Variants in METRN observed in about 807,000 individuals in gnomAD.
METRN encodes the protein meteorin.
A neutral mutation model predicts 17.4 loss-of-function variants in METRN; 17 were observed. The ratio of observed to expected loss-of-function variants is 0.98; its 90% confidence interval spans 0.67 to 1.46. METRN has a LOEUF of 1.46. Among genes scored for constraint, METRN ranks in the 40% most tolerant of loss-of-function variants. METRN has a pLI of 0.00. For synonymous variants in METRN, 230 were observed against 210.8 expected (o/e 1.09, Z -0.79); for missense variants, 489 against 456.2 (o/e 1.07, Z -0.65).
chr16:716,345 C>A, intron 2 of METRN: 1 of 1,409,514 alleles, frequency 7.1e-7, no homozygotes, highest in Non-Finnish European at 9.2e-7. Context: ...TCTCTCCCCT[C>A]CCCCAGCCCA....
Position 715,387 on chromosome 16 carries a change from G to C in METRN, c.98G>C (p.Arg33Thr), listed in dbSNP as rs371066325. The C allele has an allele frequency of 7.5e-7, 1 of 1,327,136 alleles. No homozygotes were observed. The highest frequency in any genetic ancestry group is 9.6e-7 in the Non-Finnish European group (1 of 1,040,748). The allele number at this position is 1,327,136 out of a possible 1,614,324, so 82.2% of individuals were successfully genotyped here. Residue 33 changes from arginine (R) to threonine (T), a missense_variant, in exon 1 of 4, where the codon AGG (arginine) becomes ACG (threonine). Coordinates refer to ENST00000568223, the MANE Select transcript of METRN (RefSeq NM_024042.4). The stretch of plus-strand genomic sequence containing the variant: ...TACTCCGAGGAGCGCTGCAGCTGGA[G>C]GGGCAGGTACGGTCCGGGGGGCTGT... ...AGYSEERCSW[R>T]GSGLTQEPGS...
In METRN at chr16:715,834, G is replaced by C. The variant is rs2040156653; in HGVS notation, c.355G>C (p.Val119Leu). Reference sequence around the variant, plus strand: ...CCCGGGCCCGGCAGGGGGCCGCTGCGTGCGCTGGGGTCCCCGCGAGCGCCG... The same window carrying C: ...CCCGGGCCCGGCAGGGGGCCGCTGCCTGCGCTGGGGTCCCCGCGAGCGCCG... ...EGPGPAGGRC[V>L]RWGPRERRAL... is the part of the protein sequence containing the mutation. The change falls in exon 2 of 4, where the codon GTG (valine) becomes CTG (leucine). Residue 119 changes from valine to leucine, a missense_variant. Physicochemically the swap from Val to Leu is conservative, Grantham distance 32 (BLOSUM62 1). Transcript: ENST00000568223. 6.2e-6 allele frequency: 8 copies of C among 1,299,704 alleles called. No homozygotes were observed. The South Asian group carries it at 1.6e-4, about 25-fold the overall frequency. 80.5% of individuals were successfully genotyped at this position (1,299,704 alleles called of 1,614,324 possible).
In METRN at chr16:718,916, C is replaced by T. The variant is rs2040183548; in HGVS notation, c.*1529C>T. 1 of 152,428 alleles carries T rather than the reference C, an allele frequency of 6.6e-6. No individual in the cohort carries two copies. The highest frequency in any genetic ancestry group is 6.5e-5 in the Admixed American group (1 of 15,280). 9.4% of individuals were successfully genotyped at this position (152,428 alleles called of 1,614,324 possible). On this transcript the variant is annotated 3_prime_UTR_variant, in exon 4 of 4. Transcript: ENST00000568223. The stretch of plus-strand genomic sequence containing the variant: ...TCCCTGGGGCCCATAGCCTTACATC[C>T]ATCTGCCCCCAGCCCAAACACTTCT...
chr16:716,562 G>A (rs1329763714), intron 2 of METRN: 2 of 1,534,842 alleles, frequency 1.3e-6, no homozygotes, highest in Non-Finnish European at 1.7e-6. Flanking sequence ...ACCCTAGCTG[G>A]GCTGCTGCTC....
In METRN at chr16:717,215, G is replaced by A. The variant is rs771775515; in HGVS notation, c.710G>A (p.Arg237His). 21 of 1,594,422 alleles carry A rather than the reference G, an allele frequency of 1.3e-5. No individual in the cohort carries two copies. The highest frequency in any genetic ancestry group is 4.6e-5 in the East Asian group (2 of 43,948). ...GGGGACCAGGGGCTGACCTCCATTC[G>A]TACCCCACTGCGCTGTGGCGTCCAC... is the stretch of plus-strand genomic sequence containing the variant. ...RSGDQGLTSIRTPLRCGVHPG... is the reference protein window; with the variant it reads ...RSGDQGLTSIHTPLRCGVHPG... Residue 237 changes from arginine (R) to histidine (H), a missense_variant, in exon 4 of 4, where the codon CGT (arginine) becomes CAT (histidine). Physicochemically the swap from Arg to His is conservative, Grantham distance 29. Coordinates refer to ENST00000568223, the MANE Select transcript of METRN (RefSeq NM_024042.4).
At chr16:716,661 C>T in intron 2 of METRN, 5 of 1,535,368 alleles carry the variant, frequency 3.3e-6, no homozygotes, top group Non-Finnish European at 4.4e-6. Flanking sequence ...CCCAGGACAG[C>T]TGATCGCTAG....
Position 717,394 on chromosome 16 carries a change from G to A in METRN, c.*7G>A. ...CGAGGTGGCGCTGCACTGAGGGGCT[G>A]GGTGCTGGGGAGGGGCTGGTAGGAG... On this transcript the variant is annotated 3_prime_UTR_variant, in exon 4 of 4. Transcript: ENST00000568223. The A allele has an allele frequency of 7.0e-7, 1 of 1,421,884 alleles. No individual in the cohort carries two copies. The highest frequency in any genetic ancestry group is 9.2e-7 in the Non-Finnish European group (1 of 1,092,164). The allele number at this position is 1,421,884 out of a possible 1,614,324, so 88.1% of individuals were successfully genotyped here.
intron 2 of METRN, 165 bp from the exon 3 acceptor site, chr16:716,768 C>T (rs2040164940): frequency 3.9e-6 from 6 of 1,533,262 alleles, no homozygotes; most frequent in Middle Eastern, 1.7e-4. Flanking sequence ...AGGGCGTGCA[C>T]ATCTGCTGTG....
At chr16:716,771 C>T (rs950390371) in intron 2 of METRN, 162 bp from the exon 3 acceptor site, 21 of 1,532,452 alleles carry the variant, frequency 1.4e-5, no homozygotes, top group Admixed American at 2.0e-5. Context: ...GCGTGCACAT[C>T]TGCTGTGTAG....
At chr16:715,461 C>T (rs1308305283) in intron 1 of METRN, 68 bp downstream of exon 1, 35 of 1,259,172 alleles carry the variant, frequency 2.8e-5, no homozygotes, top group Non-Finnish European at 3.1e-5. Flanking sequence ...CCCAGGCGCC[C>T]CTCGGAGCGC....
rs1943301970 is a variant in METRN at position 717,586 on chromosome 16, G to A, written c.*199G>A. 2.1e-6 allele frequency: 1 copy of A among 472,116 alleles called. No homozygotes were observed. Among genetic ancestry groups the A allele is most frequent in the Non-Finnish European group, 3.6e-6 (1 of 277,502 alleles). The allele number at this position is 472,116 out of a possible 1,614,324, so 29.2% of individuals were successfully genotyped here. On this transcript the variant is annotated 3_prime_UTR_variant, in exon 4 of 4. Transcript: ENST00000568223. ...TCCTGGCGGGAGACTGAGGCTCAGG[G>A]GAATGGTATCTTGTTCAAGACCATT...
chr16:716,182 G>C (rs1182459288), intron 2 of METRN, 198 bp downstream of exon 2: 1 of 985,358 alleles, frequency 1.0e-6, no homozygotes, highest in Non-Finnish European at 1.2e-6. Flanking sequence ...TTCATCTCTG[G>C]AAAGAGCTGG....
Position 716,607 on chromosome 16 carries a change from C to A in METRN, c.506-326C>A, listed in dbSNP as rs1178418686. On this transcript the variant is annotated intron_variant, in intron 2 of 3. Transcript: ENST00000568223. ...CAGATCCGGGAAACTAGAGGGGTCC[C>A]AGATGCTGGGGTGCATATGTCAGAT... 3 of 1,535,248 alleles carry A rather than the reference C, an allele frequency of 2.0e-6. No individual in the cohort carries two copies. The African/African-American group carries it at 4.1e-5, about 21-fold the overall frequency.
rs2040185192 is a variant in METRN at position 719,136 on chromosome 16, CCCTGGCCGAACCCTGG to C, written c.*1751_*1766del. 6.6e-6 allele frequency: 1 copy of C among 152,346 alleles called. No homozygotes were observed. Among genetic ancestry groups the C allele is most frequent in the Admixed American group, 6.5e-5 (1 of 15,288 alleles). 9.4% of individuals were successfully genotyped at this position (152,346 alleles called of 1,614,324 possible). The stretch of plus-strand genomic sequence containing the variant: ...CTGTTCACAAACACCCTGGGCTGGG[CCCTGGCCGAACCCTGG>C]CTTCTACCTACCTGTCTCAGGAAGT... On this transcript the variant is annotated 3_prime_UTR_variant, in exon 4 of 4. Transcript: ENST00000568223.
chr16:716,602 G>A (rs2040163683), intron 2 of METRN: 1 of 1,535,230 alleles, frequency 6.5e-7, no homozygotes, highest in East Asian at 2.4e-5. Context: ...AAACTAGAGG[G>A]GTCCCAGATG....
At chr16:716,197 G>A in intron 2 of METRN, 1 of 985,456 alleles carries the variant, frequency 1.0e-6, no homozygotes, top group Non-Finnish European at 1.2e-6. Flanking sequence ...AGCTGGCAGG[G>A]GCAGAGTGGA....
chr16:717,430 C>A lies in METRN; in HGVS notation c.*43C>A. The A allele has an allele frequency of 8.8e-7, 1 of 1,142,248 alleles. No homozygotes were observed. Among genetic ancestry groups the A allele is most frequent in the South Asian group, 1.9e-5 (1 of 52,020 alleles). 70.8% of individuals were successfully genotyped at this position (1,142,248 alleles called of 1,614,324 possible). A position where few individuals can be genotyped will look rare whatever the true frequency, so the allele number is the denominator to read the frequency against. On this transcript the variant is annotated 3_prime_UTR_variant, in exon 4 of 4. Transcript: ENST00000568223. ...AGGGGCTGGTAGGAGGGAGGGTGGGCCCACTGCTTTGGAGGTGATGGGACT... is the reference window on the plus strand; with the variant it reads ...AGGGGCTGGTAGGAGGGAGGGTGGGACCACTGCTTTGGAGGTGATGGGACT...
At chr16:716,536 G>A (rs2040163238) in intron 2 of METRN, 2 of 1,527,108 alleles carry the variant, frequency 1.3e-6, no homozygotes, top group Non-Finnish European at 1.8e-6. Context: ...CCCTTCCTCT[G>A]CCCCCACTTC....
chr16:715,417 G>C, intron 1 of METRN, 24 bp downstream of exon 1: 2 of 1,280,554 alleles, frequency 1.6e-6, no homozygotes, highest in South Asian at 2.4e-5. Flanking sequence ...GGCTGTCCCC[G>C]CACTTAGGAC....
Sources: allele counts gnomAD v4.1 joint callset, GRCh38; gene constraint gnomAD v4.1.1; transcripts MANE v1.5; gene names NCBI Gene and HGNC (gene_info 2026-07-23, HGNC 2026-07-21).